The following BICC1 variants were observed in gnomAD, a reference collection of about 807,000 sequenced individuals.
BICC1 encodes protein bicaudal C homolog 1.
In BICC1, 43 loss-of-function variants were observed where a neutral mutation model predicts 111.0. The observed-to-expected ratio is 0.39, with a 90% CI of 0.30 to 0.50. BICC1 has a LOEUF of 0.50. Among genes scored for constraint, BICC1 ranks in the 20% least tolerant of loss-of-function variants. The pLI, the probability that BICC1 is intolerant of heterozygous loss-of-function variation, is 0.88. For missense variants in BICC1, 1,091 were observed against 1,203.2 expected (o/e 0.91, Z 1.38); for synonymous variants, 467 against 434.4 (o/e 1.07, Z -0.93).
chr10:58,564,585 A>G (rs1269724500), intron 1 of BICC1, among the ~76,000 whole-genome samples: 1 of 152,186 alleles, frequency 6.6e-6, no homozygotes, highest in Non-Finnish European at 1.5e-5. Context: ...ATGGGTAGAG[A>G]CAACTATTAC....
intron 1 of BICC1, among the ~76,000 whole-genome samples, chr10:58,555,529 C>G (rs907056667): frequency 3.9e-5 from 6 of 151,952 alleles, no homozygotes; most frequent in African/African-American, 1.4e-4. Flanking sequence ...ATGAGGTTCT[C>G]TATGTGAAGT....
intron 1 of BICC1, among the ~76,000 whole-genome samples, chr10:58,608,782 A>G (rs966065637): frequency 1.3e-5 from 2 of 152,236 alleles, no homozygotes; most frequent in African/African-American, 2.4e-5. Flanking sequence ...ATTTGAACCT[A>G]GACTTTTCTG....
At chr10:58,591,982 A>G (rs1365641181) in intron 1 of BICC1, among the ~76,000 whole-genome samples, 6 of 152,232 alleles carry the variant, frequency 3.9e-5, no homozygotes, top group African/African-American at 1.4e-4. Flanking sequence ...ATATAGAGTA[A>G]TACAGAATAT....
chr10:58,822,148 A>T (rs1435996419), intron 20 of BICC1, among the ~76,000 whole-genome samples: 5 of 152,166 alleles, frequency 3.3e-5, no homozygotes, highest in African/African-American at 1.2e-4. Flanking sequence ...TAACTTATGC[A>T]TTCACCATAC....
chr10:58,545,826 A>G (rs766538022), intron 1 of BICC1, among the ~76,000 whole-genome samples: 7 of 152,122 alleles, frequency 4.6e-5, no homozygotes, highest in Non-Finnish European at 7.3e-5. Flanking sequence ...AACCAATGCA[A>G]GAACATACCT....
intron 8 of BICC1, among the ~76,000 whole-genome samples, chr10:58,791,495 T>G (rs995929467): frequency 6.6e-6 from 1 of 152,158 alleles, no homozygotes; most frequent in Non-Finnish European, 1.5e-5. Context: ...CCCAACACTT[T>G]GGGAGGCCGA....
intron 1 of BICC1, among the ~76,000 whole-genome samples, chr10:58,524,759 T>A (rs1842484782): frequency 6.6e-6 from 1 of 151,902 alleles, no homozygotes; most frequent in African/African-American, 2.4e-5. Context: ...GAAACTACCA[T>A]CAGAGTGAAC....
rs1386534469 is a variant in BICC1 at position 58,788,363 on chromosome 10, C to T, written c.547-7C>T. The T allele has an allele frequency of 9.4e-6, 15 of 1,602,430 alleles. No homozygotes were observed. The highest frequency in any genetic ancestry group is 1.3e-5 in the Non-Finnish European group (15 of 1,170,008). On this transcript the variant is annotated splice_polypyrimidine_tract_variant and splice_region_variant and intron_variant, in intron 5 of 20. Coordinates refer to ENST00000373886, the MANE Select transcript of BICC1 (RefSeq NM_001080512.3). Reference sequence around the variant, plus strand: ...AAATCTAACTTTGTATTTTCCTCCTCTTATAGGTATCTATAGCGGGACAAC... The same window carrying T: ...AAATCTAACTTTGTATTTTCCTCCTTTTATAGGTATCTATAGCGGGACAAC...
At chr10:58,673,235 A>G (rs1233598608) in intron 2 of BICC1, among the ~76,000 whole-genome samples, 1 of 152,244 alleles carries the variant, frequency 6.6e-6, no homozygotes, top group Non-Finnish European at 1.5e-5. Flanking sequence ...TTACTTTTGC[A>G]GAAACATACA....
In BICC1 at chr10:58,831,133, C is replaced by CT. The variant is rs1440166560; in HGVS notation, c.*2245dup. The CT allele has an allele frequency of 2.6e-5, 4 of 152,298 alleles. No homozygotes were observed. In the South Asian group the frequency reaches 8.3e-4, roughly 32 times the overall value. 9.4% of individuals were successfully genotyped at this position (152,298 alleles called of 1,614,324 possible). ...AAAACACTGGAAATTCTTTCTCTCA[C>CT]TTTCTCTTGATGCAATGAAGGGAAT... On this transcript the variant is annotated 3_prime_UTR_variant, in exon 21 of 21. Coordinates refer to ENST00000373886, the MANE Select transcript of BICC1 (RefSeq NM_001080512.3).
intron 10 of BICC1, among the ~76,000 whole-genome samples, chr10:58,797,469 AT>A (rs142108773): frequency 6.6e-6 from 1 of 152,012 alleles, no homozygotes; most frequent in Admixed American, 6.6e-5. Context: ...TTAAAGAAAG[AT>A]TTTTTTTGTA....
intron 1 of BICC1, among the ~76,000 whole-genome samples, chr10:58,591,381 A>G (rs1426462019): frequency 1.3e-5 from 2 of 152,218 alleles, no homozygotes; most frequent in African/African-American, 4.8e-5. Flanking sequence ...TGGGTGGTCT[A>G]TAATGAACAA....
At chr10:58,626,476 A>G (rs1011963492) in intron 2 of BICC1, among the ~76,000 whole-genome samples, 2 of 152,266 alleles carry the variant, frequency 1.3e-5, no homozygotes, top group Admixed American at 1.3e-4. Context: ...AATGGAGCTT[A>G]TTTTTATACC....
At chr10:58,789,144 C>T (rs1477070454) in intron 6 of BICC1, 118 bp from the exon 7 acceptor site, 3 of 816,268 alleles carry the variant, frequency 3.7e-6, no homozygotes, top group Non-Finnish European at 5.7e-6. Flanking sequence ...AACTTAATAT[C>T]TATAAGGGCA....
intron 1 of BICC1, among the ~76,000 whole-genome samples, chr10:58,596,971 G>A (rs575241547): frequency 8.5e-5 from 13 of 152,186 alleles, no homozygotes; most frequent in East Asian, 5.8e-4. Context: ...GAAAATGGCC[G>A]TACTGCCCAA....
At chr10:58,522,989 C>A (rs535586569) in intron 1 of BICC1, among the ~76,000 whole-genome samples, 5 of 152,168 alleles carry the variant, frequency 3.3e-5, no homozygotes, top group African/African-American at 9.6e-5. Flanking sequence ...ATACACCCTC[C>A]CAAGACTAAA....
chr10:58,680,595 C>T (rs1012185130), intron 2 of BICC1, among the ~76,000 whole-genome samples: 3 of 152,200 alleles, frequency 2.0e-5, no homozygotes, highest in African/African-American at 7.2e-5. Context: ...AATGGCCATA[C>T]TGTCCAAAGT....
At chr10:58,742,970 A>G (rs906859513) in intron 3 of BICC1, among the ~76,000 whole-genome samples, 4 of 152,200 alleles carry the variant, frequency 2.6e-5, no homozygotes, top group Non-Finnish European at 5.9e-5. Flanking sequence ...ACACCTGAAT[A>G]CTTTGGTAGG....
chr10:58,803,519 C>T (rs1196422202), intron 15 of BICC1, among the ~76,000 whole-genome samples: 1 of 152,100 alleles, frequency 6.6e-6, no homozygotes, highest in Non-Finnish European at 1.5e-5. Flanking sequence ...TCATGTGTTA[C>T]TTAAAAAATT....
Sources: gnomAD v4.1 joint callset for allele counts (sites outside exome capture counted in the v4.1 genomes callset) on GRCh38, gnomAD v4.1.1 for gene constraint, MANE v1.5 for transcripts, NCBI Gene and HGNC (gene_info 2026-07-23, HGNC 2026-07-21) for gene names.